Variants in FBLN2 observed in about 807,000 individuals in gnomAD.
The protein encoded by FBLN2 is fibulin-2.
FBLN2 carries 81 observed loss-of-function variants against 123.7 expected under a neutral mutation model. That is an observed-to-expected ratio of 0.65 (90% CI 0.55 to 0.79). FBLN2 has a LOEUF of 0.79. FBLN2 is among the 30% of genes least tolerant of loss of function. The pLI is 0.00. For synonymous variants in FBLN2, 699 were observed against 701.4 expected (o/e 1.00, Z 0.05); for missense variants, 1,603 against 1,681.3 (o/e 0.95, Z 0.81).
intron 2 of FBLN2, among the ~76,000 whole-genome samples, chr3:13,572,172 C>T (rs542785906): frequency 6.6e-6 from 1 of 152,350 alleles, no homozygotes; most frequent in Admixed American, 6.5e-5. Context: ...TGCAGCAAAT[C>T]CTAATCTCAC....
In FBLN2 at chr3:13,631,407, C is replaced by T. The variant is rs1706252278; in HGVS notation, c.3164C>T (p.Ala1055Val). Residue 1055 changes from alanine (A) to valine (V), a missense_variant, in exon 16 of 18, where the codon GCA (alanine) becomes GTA (valine). Coordinates refer to ENST00000404922, the MANE Select transcript of FBLN2 (RefSeq NM_001004019.2). The part of the protein sequence containing the change: ...CLNVPGSYQC[A>V]CPEQGYTMTA... ...AACGTGCCAGGGAGCTACCAGTGTG[C>T]ATGCCCTGAGCAGGGCTACACCATG... The T allele has an allele frequency of 6.2e-7, 1 of 1,601,312 alleles. No homozygotes were observed. The highest frequency in any genetic ancestry group is 2.3e-5 in the East Asian group (1 of 44,376).
chr3:13,636,649 G>T (rs566332844), intron 17 of FBLN2, 81 bp downstream of exon 17: 10 of 1,503,242 alleles, frequency 6.7e-6, no homozygotes, highest in Non-Finnish European at 9.0e-6. Flanking sequence ...AGAGATGGGC[G>T]CCTGCCTTGA....
In FBLN2 at chr3:13,631,470, C is replaced by T. The variant is rs1185807312; in HGVS notation, c.3214+13C>T. 2 of 1,571,600 alleles carry T rather than the reference C, an allele frequency of 1.3e-6. No individual in the cohort carries two copies. Among genetic ancestry groups the T allele is most frequent in the African/African-American group, 1.4e-5 (1 of 73,978 alleles). On this transcript the variant is annotated intron_variant, in intron 16 of 17. Transcript: ENST00000404922. ...AGGTCCTGCAAGGGTGAGCAAGTCC[C>T]CCCACACGCCCCCGCCTCCATCAGG...
intron 2 of FBLN2, among the ~76,000 whole-genome samples, chr3:13,593,852 G>T (rs572366056): frequency 5.9e-5 from 9 of 152,056 alleles, no homozygotes; most frequent in African/African-American, 2.2e-4. Flanking sequence ...AGTCCCCAGC[G>T]TGGGCGGCTG....
chr3:13,621,665 A>G, intron 8 of FBLN2, 110 bp from the exon 9 acceptor site: 1 of 1,226,016 alleles, frequency 8.2e-7, no homozygotes, highest in Non-Finnish European at 1.2e-6. Context: ...GGGAGGCCCC[A>G]GACAGGCCCC....
At chr3:13,620,974 C>A (rs955767833) in intron 8 of FBLN2, among the ~76,000 whole-genome samples, 4 of 152,260 alleles carry the variant, frequency 2.6e-5, no homozygotes, top group Admixed American at 2.0e-4. Context: ...GTGCTGGGTT[C>A]TCTGGGCCCC....
In FBLN2 at chr3:13,627,924, C is replaced by T. The variant is rs764879617; in HGVS notation, c.2524C>T (p.Arg842Cys). Residue 842 changes from arginine to cysteine, a missense_variant, in exon 11 of 18, where the codon CGC becomes TGC. By Grantham distance (180) the Arg-to-Cys change is radical. Transcript: ENST00000404922. ...KGSFYCQARQ[R>C]CMDGFLQDPE... The stretch of plus-strand genomic sequence containing the variant: ...CTCCTTCTACTGCCAGGCCAGGCAG[C>T]GCTGCATGGATGGCTTCCTGCAGGA... The T allele has an allele frequency of 2.4e-5, 38 of 1,613,676 alleles. No individual in the cohort carries two copies. The highest frequency in any genetic ancestry group is 1.2e-4 in the South Asian group (11 of 91,082).
intron 4 of FBLN2, chr3:13,613,768 C>T (rs919346748): frequency 1.6e-5 from 8 of 490,750 alleles, no homozygotes; most frequent in African/African-American, 1.6e-4. Context: ...AACTAAAGGC[C>T]ATTTACTTGT....
rs1488254493 is a variant in FBLN2, at chr3:13,560,020, G to A, written c.-41-10295G>A. Among the ~76,000 whole-genome samples, 5 of 152,212 alleles carry A rather than the reference G, an allele frequency of 3.3e-5. No homozygotes were observed. The East Asian group carries it at 9.6e-4, about 29-fold the overall frequency. ...ATTTCTCATCGCTCCCACCCTGGGA[G>A]TGTTTCCTCTTTGCAGAGGAGTAAC... On this transcript the variant is annotated intron_variant, in intron 1 of 17. Transcript: ENST00000404922.
At chr3:13,633,124 C>G (rs1335711801) in intron 16 of FBLN2, among the ~76,000 whole-genome samples, 1 of 152,262 alleles carries the variant, frequency 6.6e-6, no homozygotes, top group Non-Finnish European at 1.5e-5. Context: ...CACCAAACAC[C>G]TTGGGGGTGC....
chr3:13,578,864 G>T (rs1164016449), intron 2 of FBLN2, among the ~76,000 whole-genome samples: 1 of 151,922 alleles, frequency 6.6e-6, no homozygotes, highest in African/African-American at 2.4e-5. Flanking sequence ...AGACCAGCCT[G>T]ACCAACATGG....
intron 2 of FBLN2, among the ~76,000 whole-genome samples, chr3:13,577,275 G>T (rs1423733261): frequency 6.6e-6 from 1 of 151,774 alleles, no homozygotes; most frequent in Non-Finnish European, 1.5e-5. Flanking sequence ...GGACAGGGGA[G>T]TCCTCCCTGG....
chr3:13,610,912 T>A (rs1169301519), intron 4 of FBLN2, among the ~76,000 whole-genome samples: 1 of 144,524 alleles, frequency 6.9e-6, no homozygotes, highest in Non-Finnish European at 1.5e-5. Context: ...TTATTATTAT[T>A]ATTATTATTA....
intron 1 of FBLN2, among the ~76,000 whole-genome samples, chr3:13,556,452 T>A (rs1703466460): frequency 6.6e-6 from 1 of 152,044 alleles, no homozygotes; most frequent in African/African-American, 2.4e-5. Context: ...TGTAACCTCA[T>A]CTAAACCTCC....
rs373511143 is a variant in FBLN2 at position 13,637,828 on chromosome 3, C to G, written c.3605C>G (p.Ala1202Gly). The G allele has an allele frequency of 5.8e-5, 94 of 1,613,500 alleles. 1 individual carries two copies. The highest frequency in any genetic ancestry group is 3.1e-4 in the East Asian group (14 of 44,884). Residue 1202 changes from alanine (A) to glycine (G), a missense_variant, in exon 18 of 18, where the codon GCC becomes GGC. Ala to Gly is a moderately conservative substitution (Grantham distance 60). Coordinates refer to ENST00000404922, the MANE Select transcript of FBLN2 (RefSeq NM_001004019.2). Reference sequence around the variant, plus strand: ...GCCGTGCTGGAGCCCCGGGACTTTGCCCTGGACGTGGAGATGAAGCTCTGG... The same window carrying G: ...GCCGTGCTGGAGCCCCGGGACTTTGGCCTGGACGTGGAGATGAAGCTCTGG... ...QRAVLEPRDF[A>G]LDVEMKLWRQ...
chr3:13,609,489 G>T, intron 3 of FBLN2, 24 bp from the exon 4 acceptor site: 1 of 1,526,036 alleles, frequency 6.6e-7, no homozygotes, highest in Non-Finnish European at 8.8e-7. Context: ...GCGACTGGGG[G>T]CTAAGTTACC....
At chr3:13,579,481 A>G (rs1054457720) in intron 2 of FBLN2, among the ~76,000 whole-genome samples, 9 of 152,242 alleles carry the variant, frequency 5.9e-5, no homozygotes, top group African/African-American at 4.8e-5. Context: ...ACACTTGAGA[A>G]CCACTGGTCA....
intron 1 of FBLN2, among the ~76,000 whole-genome samples, chr3:13,559,208 C>T (rs1173070892): frequency 6.6e-6 from 1 of 151,750 alleles, no homozygotes; most frequent in Admixed American, 6.6e-5. Context: ...TGTTAAGGCT[C>T]TTGGTTGCAA....
intron 2 of FBLN2, among the ~76,000 whole-genome samples, chr3:13,588,246 T>G (rs1175855654): frequency 2.0e-5 from 3 of 152,362 alleles, no homozygotes; most frequent in Admixed American, 2.0e-4. Flanking sequence ...TGGACAGGTG[T>G]GTCGCCTAGG....
Sources: gnomAD v4.1 joint callset for allele counts (sites outside exome capture counted in the v4.1 genomes callset) on GRCh38, gnomAD v4.1.1 for gene constraint, MANE v1.5 for transcripts, NCBI Gene and HGNC (gene_info 2026-07-23, HGNC 2026-07-21) for gene names.